MSRB3: variants seen among roughly 807,000 people sequenced by gnomAD.
MSRB3 encodes methionine sulfoxide reductase B3, also known as methionine-R-sulfoxide reductase B3.
A neutral mutation model predicts 21.0 loss-of-function variants in MSRB3; 13 were observed. The ratio of observed to expected loss-of-function variants is 0.62; its 90% CI spans 0.40 to 0.98. The LOEUF is 0.98. MSRB3 is among the 50% of genes least tolerant of loss of function. MSRB3 has a pLI of 0.00. For synonymous variants in MSRB3, 87 were observed against 88.6 expected, an observed-to-expected ratio of 0.98 and a Z score of 0.10; for missense variants, 199 against 230.3, an observed-to-expected ratio of 0.86 and a Z score of 0.88.
chr12:65,363,531 T>C (rs1431960986), intron 4 of MSRB3, among the ~76,000 whole-genome samples: 4 of 152,230 alleles, frequency 2.6e-5, no homozygotes, highest in African/African-American at 9.6e-5. Flanking sequence ...TCCTAGTGTC[T>C]ACCCTTTCTG....
chr12:65,466,472 C>T lies in MSRB3; in HGVS notation c.*3150C>T. On this transcript the variant is annotated 3_prime_UTR_variant, in exon 7 of 7. Coordinates refer to ENST00000308259, the MANE Select transcript of MSRB3 (RefSeq NM_001031679.3). ...TAACATAGGAAGTGCATGGGACTTT[C>T]CCTCTCTGCACTCCAGCTCTTACTG... The T allele has an allele frequency of 6.6e-6, 1 of 152,118 alleles. No homozygotes were observed. The highest frequency in any genetic ancestry group is 1.9e-4 in the East Asian group (1 of 5,196). 9.4% of individuals were successfully genotyped at this position (152,118 alleles called of 1,614,324 possible).
intron 5 of MSRB3, among the ~76,000 whole-genome samples, chr12:65,391,876 G>T (rs1039113934): frequency 3.9e-5 from 6 of 152,104 alleles, no homozygotes; most frequent in African/African-American, 1.4e-4. Context: ...AAAGAAAATG[G>T]GAGAGTGTCC....
At chr12:65,306,947 G>C in intron 1 of MSRB3, 1 of 985,850 alleles carries the variant, frequency 1.0e-6, no homozygotes, top group Non-Finnish European at 1.2e-6. Flanking sequence ...CAGGCTGCCT[G>C]GTACAGGAGT....
chr12:65,445,075 C>A (rs371752280), intron 5 of MSRB3, among the ~76,000 whole-genome samples: 2 of 152,086 alleles, frequency 1.3e-5, no homozygotes, highest in Non-Finnish European at 2.9e-5. Flanking sequence ...TTGTTATTTT[C>A]TCTGTAAAAA....
intron 4 of MSRB3, among the ~76,000 whole-genome samples, chr12:65,342,047 T>C (rs1009717345): frequency 6.6e-6 from 1 of 151,950 alleles, no homozygotes; most frequent in Non-Finnish European, 1.5e-5. Flanking sequence ...ATACAAGTTC[T>C]AGGGGAAAAT....
At chr12:65,328,701 C>A in intron 4 of MSRB3, 98 bp downstream of exon 4, 1 of 847,104 alleles carries the variant, frequency 1.2e-6, no homozygotes, top group South Asian at 1.4e-5. Flanking sequence ...GCTGAATTTT[C>A]TTCTGTTTGT....
intron 1 of MSRB3, among the ~76,000 whole-genome samples, chr12:65,282,450 G>A (rs1380195602): frequency 6.6e-6 from 1 of 152,052 alleles, no homozygotes; most frequent in Admixed American, 6.6e-5. Context: ...TCAAACAAAC[G>A]CATCGAACAA....
chr12:65,418,630 T>C (rs985450616), intron 5 of MSRB3: 3 of 593,126 alleles, frequency 5.1e-6, no homozygotes, highest in East Asian at 5.6e-5. Flanking sequence ...ATCTTATTTT[T>C]ACATCTCTAA....
chr12:65,375,561 CA>C (rs1878564374), intron 5 of MSRB3, among the ~76,000 whole-genome samples: 1 of 152,086 alleles, frequency 6.6e-6, no homozygotes, highest in Non-Finnish European at 1.5e-5. Flanking sequence ...CTCAGTCTCC[CA>C]AATAGCAGGG....
chr12:65,311,681 T>G (rs1873995611), intron 2 of MSRB3, among the ~76,000 whole-genome samples: 1 of 152,090 alleles, frequency 6.6e-6, no homozygotes, highest in Non-Finnish European at 1.5e-5. Context: ...AATATAATGT[T>G]GCTGGTCAAA....
intron 4 of MSRB3, among the ~76,000 whole-genome samples, chr12:65,354,327 A>G (rs189450007): frequency 6.6e-6 from 1 of 152,180 alleles, no homozygotes; most frequent in African/African-American, 2.4e-5. Context: ...GTGTTTTCCA[A>G]CTTGGTTCCA....
intron 4 of MSRB3, among the ~76,000 whole-genome samples, chr12:65,365,087 G>A (rs200066214): frequency 9.2e-6 from 1 of 109,270 alleles, no homozygotes; most frequent in Non-Finnish European, 2.1e-5. Context: ...TTTTTTTTTT[G>A]TATCTCAGAA....
chr12:65,437,617 A>C (rs1882178966), intron 5 of MSRB3, among the ~76,000 whole-genome samples: 1 of 151,884 alleles, frequency 6.6e-6, no homozygotes, highest in South Asian at 2.1e-4. Flanking sequence ...TGCCTACAGT[A>C]GACAGACGAC....
At chr12:65,303,939 A>T (rs979263349) in intron 1 of MSRB3, among the ~76,000 whole-genome samples, 1 of 152,074 alleles carries the variant, frequency 6.6e-6, no homozygotes, top group African/African-American at 2.4e-5. Context: ...GTATGGCAGG[A>T]GTGTGGGGTG....
chr12:65,373,800 T>C (rs1878452119), intron 5 of MSRB3, among the ~76,000 whole-genome samples: 1 of 152,032 alleles, frequency 6.6e-6, no homozygotes, highest in South Asian at 2.1e-4. Context: ...CACAACAGAA[T>C]ATAATTATGC....
At chr12:65,419,144 C>A (rs929922002) in intron 5 of MSRB3, 5 of 681,886 alleles carry the variant, frequency 7.3e-6, no homozygotes, top group Non-Finnish European at 1.3e-5. Context: ...AGCATCATCT[C>A]AACAGCTCCA....
chr12:65,333,103 C>T (rs1336596971), intron 4 of MSRB3, among the ~76,000 whole-genome samples: 1 of 152,166 alleles, frequency 6.6e-6, no homozygotes, highest in African/African-American at 2.4e-5. Context: ...CCAAAGAAAA[C>T]ACTGGGAAAA....
intron 4 of MSRB3, among the ~76,000 whole-genome samples, chr12:65,352,193 A>G (rs1364736820): frequency 6.6e-6 from 1 of 152,232 alleles, no homozygotes; most frequent in African/African-American, 2.4e-5. Context: ...CAGCATATAA[A>G]CAGAGCCAAC....
At chr12:65,344,882 A>G (rs1378194487) in intron 4 of MSRB3, among the ~76,000 whole-genome samples, 1 of 151,994 alleles carries the variant, frequency 6.6e-6, no homozygotes, top group Non-Finnish European at 1.5e-5. Context: ...CATACATTCC[A>G]AGTCTCTCCT....
Sources: gnomAD v4.1 joint callset for allele counts (sites outside exome capture counted in the v4.1 genomes callset) on GRCh38, gnomAD v4.1.1 for gene constraint, MANE v1.5 for transcripts, NCBI Gene and HGNC (gene_info 2026-07-23, HGNC 2026-07-21) for gene names.